Variants in ESR2 observed in about 807,000 individuals in gnomAD.
ESR2 encodes the protein estrogen receptor beta.
Under a neutral mutation model 49.6 loss-of-function variants are expected in ESR2, and 36 were observed. The observed-to-expected ratio is 0.73, with a 90% CI of 0.56 to 0.96. ESR2 has a LOEUF of 0.96. ESR2 is among the 40% of genes least tolerant of loss of function. The pLI is 0.00. For missense variants in ESR2, 714 were observed against 693.0 expected (o/e 1.03, Z -0.34); for synonymous variants, 320 against 266.1 (o/e 1.20, Z -1.97).
At chr14:64,241,878 C>G (rs1404979935) in intron 7 of ESR2, among the ~76,000 whole-genome samples, 1 of 152,168 alleles carries the variant, frequency 6.6e-6, no homozygotes, top group African/African-American at 2.4e-5. Context: ...AATATTGATG[C>G]CTTTTACCTC....
intron 1 of ESR2, among the ~76,000 whole-genome samples, chr14:64,311,346 A>G (rs537001604): frequency 6.6e-6 from 1 of 152,232 alleles, no homozygotes; most frequent in African/African-American, 2.4e-5. Flanking sequence ...TACATTTTAA[A>G]AGCCTACAAC....
downstream of ESR2, chr14:64,227,809 T>C: frequency 6.4e-7 from 1 of 1,561,248 alleles, no homozygotes; most frequent in African/African-American, 1.4e-5. Flanking sequence ...AAAACTCTTT[T>C]ATGAGGTAGT....
chr14:64,271,395 G>A (rs982129507), intron 3 of ESR2, among the ~76,000 whole-genome samples: 4 of 151,744 alleles, frequency 2.6e-5, no homozygotes, highest in East Asian at 1.9e-4. Flanking sequence ...GCATGATCTC[G>A]ACTCACTGCA....
At chr14:64,276,074 T>C (rs896176372) in intron 3 of ESR2, among the ~76,000 whole-genome samples, 5 of 152,182 alleles carry the variant, frequency 3.3e-5, no homozygotes, top group African/African-American at 1.2e-4. Flanking sequence ...TAACAAAATA[T>C]GCGCAAAAGT....
chr14:64,241,544 T>C (rs2075729103), intron 7 of ESR2, among the ~76,000 whole-genome samples: 1 of 152,246 alleles, frequency 6.6e-6, no homozygotes, highest in South Asian at 2.1e-4. Context: ...CAATACTGAA[T>C]CTTATGATCC....
intron 7 of ESR2, among the ~76,000 whole-genome samples, chr14:64,241,941 T>G (rs1241457759): frequency 3.3e-5 from 5 of 152,238 alleles, no homozygotes; most frequent in Non-Finnish European, 7.3e-5. Context: ...TTGAATAGAA[T>G]TAAGGACAGT....
chr14:64,334,333 G>T (rs906727747), intron 1 of ESR2, among the ~76,000 whole-genome samples: 2 of 152,204 alleles, frequency 1.3e-5, no homozygotes, highest in Non-Finnish European at 2.9e-5. Flanking sequence ...GACTGAGGAT[G>T]AAAAATACAT....
intron 7 of ESR2, among the ~76,000 whole-genome samples, chr14:64,248,984 T>C (rs2075928160): frequency 6.6e-6 from 1 of 152,240 alleles, no homozygotes; most frequent in South Asian, 2.1e-4. Context: ...TACTTCCCTC[T>C]GCTCTTTCCT....
At chr14:64,258,905 A>G (rs2076157201) in intron 5 of ESR2, among the ~76,000 whole-genome samples, 1 of 152,154 alleles carries the variant, frequency 6.6e-6, no homozygotes, top group Admixed American at 6.5e-5. Context: ...CAGCTAAGAG[A>G]GGAGAAAAAA....
intron 6 of ESR2, among the ~76,000 whole-genome samples, chr14:64,256,085 C>T (rs755742746): frequency 2.6e-5 from 4 of 152,208 alleles, no homozygotes; most frequent in Non-Finnish European, 5.9e-5. Flanking sequence ...CATCCTCCCA[C>T]GCTATGCAGA....
At chr14:64,288,348 C>T (rs1172458619) in intron 1 of ESR2, among the ~76,000 whole-genome samples, 3 of 131,366 alleles carry the variant, frequency 2.3e-5, no homozygotes, top group Non-Finnish European at 4.7e-5. Flanking sequence ...AAAGACTACA[C>T]TTTTTTTTTT....
intron 6 of ESR2, among the ~76,000 whole-genome samples, chr14:64,254,931 T>C (rs6573549): frequency 0.41 from 61,572 of 151,904 alleles, 12,724 homozygotes; most frequent in Non-Finnish European, 0.44. Flanking sequence ...TACAACATAA[T>C]ACTTTCACTT....
chr14:64,257,282 C>A lies in ESR2; in HGVS notation c.1035G>T (p.Trp345Cys), dbSNP rs1194417609. The A allele has an allele frequency of 1.9e-6, 3 of 1,614,014 alleles. No homozygotes were observed. Among genetic ancestry groups the A allele is most frequent in the Non-Finnish European group, 2.5e-6 (3 of 1,180,014 alleles). ...WMEVLMMGLMWRSIDHPGKLI... is the reference protein window; with the variant it reads ...WMEVLMMGLMCRSIDHPGKLI... ...GCTTGCCGGGGTGGTCAATTGAGCG[C>A]CACATCAGCCCCATCATTAACACCT... Residue 345 changes from tryptophan to cysteine, a missense_variant, in exon 6 of 9, where the codon TGG becomes TGT. Physicochemically the swap from Trp to Cys is radical, Grantham distance 215 (BLOSUM62 -2). Transcript: ENST00000341099.
At chr14:64,332,704 G>A (rs1262785696) in intron 1 of ESR2, among the ~76,000 whole-genome samples, 25 of 149,214 alleles carry the variant, frequency 1.7e-4, no homozygotes, top group Admixed American at 2.7e-4. Flanking sequence ...GGAGGCTAAG[G>A]CAGGAGAATG....
In ESR2 at chr14:64,240,988, C is replaced by CA. The variant is rs1281548477; in HGVS notation, c.1226-5839dup. On this transcript the variant is annotated intron_variant, in intron 7 of 8. Transcript: ENST00000341099. ...TGAAACCCCGTCTCTACTAAAAATA[C>CA]AAAAAAAATTAGCCGGGCGTGATGG... Among the ~76,000 whole-genome samples the CA allele has an allele frequency of 6.6e-5, 10 of 150,890 alleles. No individual in the cohort carries two copies. The South Asian group carries it at 8.4e-4, about 13-fold the overall frequency.
In ESR2 at chr14:64,261,234, TTTTTC is replaced by T. The variant is rs1260764846; in HGVS notation, c.653-491_653-487del. Among the ~76,000 whole-genome samples the T allele has an allele frequency of 1.2e-3, 95 of 77,358 alleles. 1 individual carries two copies. The highest frequency in any genetic ancestry group is 3.9e-3 in the African/African-American group (88 of 22,354). 50.7% of individuals were successfully genotyped at this position (77,358 alleles called of 152,430 possible). On this transcript the variant is annotated intron_variant, in intron 4 of 8. Transcript: ENST00000341099. Reference sequence around the variant, plus strand: ...GTCTTTTTAATGCTTTTATTTTTCTTTTTTCTTTTTTTTTTTTTTTTGAGACGGAG... The same window carrying T: ...GTCTTTTTAATGCTTTTATTTTTCTTTTTTTTTTTTTTTTTTGAGACGGAG...
At chr14:64,227,729 T>TA (rs2098722880), downstream of ESR2, 1 of 1,568,204 alleles carries the variant, frequency 6.4e-7, no homozygotes. Flanking sequence ...TAAGGGCCTT[T>TA]AAGCTGGTTT....
chr14:64,256,764 AAAAAAAC>A (rs1256896608), intron 6 of ESR2, among the ~76,000 whole-genome samples: 2 of 152,092 alleles, frequency 1.3e-5, no homozygotes, highest in Non-Finnish European at 2.9e-5. Flanking sequence ...AACAAAACAA[AAAAAAAC>A]AAAAGAGTGA....
intron 1 of ESR2, among the ~76,000 whole-genome samples, chr14:64,315,869 G>T (rs2077248758): frequency 6.6e-6 from 1 of 151,910 alleles, no homozygotes; most frequent in African/African-American, 2.4e-5. Context: ...TGGCCAGGAT[G>T]GTCTCCATCT....
Sources: gnomAD v4.1 joint callset for allele counts (sites outside exome capture counted in the v4.1 genomes callset) on GRCh38, gnomAD v4.1.1 for gene constraint, MANE v1.5 for transcripts, NCBI Gene and HGNC (gene_info 2026-07-23, HGNC 2026-07-21) for gene names.